AIM2: variants seen among roughly 807,000 people sequenced by gnomAD.
The protein encoded by AIM2 is absent in melanoma 2, also known as interferon-inducible protein AIM2.
A neutral mutation model predicts 27.7 loss-of-function variants in AIM2; 30 were observed. That is an observed-to-expected ratio of 1.08 (90% CI 0.81 to 1.47). The LOEUF (loss-of-function observed/expected upper bound fraction) is 1.47, where lower values mean the gene tolerates loss of function less well. Among genes scored for constraint, AIM2 ranks in the 40% most tolerant of loss-of-function variants. AIM2 has a pLI of 0.00. For missense variants in AIM2, 358 were observed against 411.3 expected (o/e 0.87, Z 1.12); for synonymous variants, 141 against 145.3 (o/e 0.97, Z 0.21).
intron 1 of AIM2, among the ~76,000 whole-genome samples, chr1:159,112,647 AG>A (rs1264902644): frequency 2.0e-5 from 3 of 152,228 alleles, no homozygotes; most frequent in African/African-American, 7.2e-5. Context: ...AAATTTCAAA[AG>A]AATAGTTTTA....
intron 1 of AIM2, among the ~76,000 whole-genome samples, chr1:159,103,933 T>C (rs1023884172): frequency 3.3e-5 from 5 of 151,892 alleles, no homozygotes; most frequent in African/African-American, 1.2e-4. Flanking sequence ...CATTAAGTAA[T>C]GGGGTTTGGC....
intron 1 of AIM2, among the ~76,000 whole-genome samples, chr1:159,113,166 G>T (rs1404081448): frequency 2.0e-5 from 3 of 151,982 alleles, no homozygotes; most frequent in African/African-American, 4.8e-5. Context: ...GGATGGTCTC[G>T]ATCTCTTTAC....
rs2298803 is a variant in AIM2 at position 159,076,640 on chromosome 1, T to C, written c.-28A>G. 0.07 allele frequency: 10,700 copies of C among 152,252 alleles called. 697 individuals carry two copies. The highest frequency in any genetic ancestry group is 0.31 in the East Asian group (1,606 of 5,152). The allele number at this position is 152,252 out of a possible 1,614,324, so 9.4% of individuals were successfully genotyped here. On this transcript the variant is annotated 5_prime_UTR_variant, in exon 1 of 6. Transcript: ENST00000368130. The stretch of plus-strand genomic sequence containing the variant: ...CTCCTCTATGGTGCTTACCTCCTGA[T>C]CCCTGGGGCGATCAGCAAACCGGGT...
intron 1 of AIM2, among the ~76,000 whole-genome samples, chr1:159,128,143 G>A (rs946531793): frequency 1.3e-5 from 2 of 152,084 alleles, no homozygotes; most frequent in African/African-American, 4.8e-5. Context: ...TCAGCACAGT[G>A]CTTAGTATAA....
chr1:159,069,228 C>T (rs187234738), intron 2 of AIM2, among the ~76,000 whole-genome samples: 57 of 151,824 alleles, frequency 3.8e-4, no homozygotes, highest in Non-Finnish European at 4.7e-4. Context: ...TGGTTTGGGA[C>T]GCTATTTATT....
intron 1 of AIM2, among the ~76,000 whole-genome samples, chr1:159,092,957 C>T (rs536946380): frequency 7.9e-4 from 120 of 151,964 alleles, no homozygotes; most frequent in African/African-American, 2.5e-3. Context: ...ACCCAGGAGG[C>T]GGAGGTTGCA....
At chr1:159,094,093 A>G (rs1657115494) in intron 1 of AIM2, among the ~76,000 whole-genome samples, 1 of 152,160 alleles carries the variant, frequency 6.6e-6, no homozygotes, top group Non-Finnish European at 1.5e-5. Context: ...TTGTTATAAA[A>G]CTTAAATGAA....
At chr1:159,059,290 A>G (rs910750731), downstream of AIM2, among the ~76,000 whole-genome samples, 3 of 152,040 alleles carry the variant, frequency 2.0e-5, no homozygotes, top group Non-Finnish European at 4.4e-5. Context: ...ACACATATAT[A>G]TATCTGTGTA....
chr1:159,057,826 T>C (rs1054449262), downstream of AIM2, among the ~76,000 whole-genome samples: 1 of 152,154 alleles, frequency 6.6e-6, no homozygotes, highest in Non-Finnish European at 1.5e-5. Flanking sequence ...GTTTGCAAAA[T>C]AGATTGTAGT....
chr1:159,133,739 T>C (rs1647953909), intron 1 of AIM2, among the ~76,000 whole-genome samples: 1 of 152,248 alleles, frequency 6.6e-6, no homozygotes, highest in Non-Finnish European at 1.5e-5. Flanking sequence ...TTCTGCTTTT[T>C]CTTCTACCTC....
intron 1 of AIM2, among the ~76,000 whole-genome samples, chr1:159,135,228 C>T (rs1443980723): frequency 6.6e-6 from 1 of 152,170 alleles, no homozygotes; most frequent in Non-Finnish European, 1.5e-5. Context: ...TCAGTTTTCC[C>T]TCTATTTAAC....
chr1:159,146,642 C>A (rs1486811640), intron 1 of AIM2, among the ~76,000 whole-genome samples: 1 of 152,002 alleles, frequency 6.6e-6, no homozygotes, highest in African/African-American at 2.4e-5. Context: ...TTCTCATCTG[C>A]CCTAGGATCC....
At chr1:159,078,744 G>T (rs938453695), upstream of AIM2, among the ~76,000 whole-genome samples, 2 of 152,152 alleles carry the variant, frequency 1.3e-5, no homozygotes, top group South Asian at 4.1e-4. Flanking sequence ...TGAAAAAGGA[G>T]GTTTGTTAAC....
At chr1:159,118,562 C>A (rs1176304927) in intron 1 of AIM2, among the ~76,000 whole-genome samples, 2 of 152,134 alleles carry the variant, frequency 1.3e-5, no homozygotes, top group Non-Finnish European at 2.9e-5. Context: ...TTAAAGGGTA[C>A]TTCACCCATT....
chr1:159,122,701 C>A (rs919356572), intron 1 of AIM2, among the ~76,000 whole-genome samples: 2 of 152,288 alleles, frequency 1.3e-5, no homozygotes, highest in Admixed American at 1.3e-4. Context: ...AACAAACCAG[C>A]CTGAGTCAAA....
At chr1:159,104,703 A>G (rs1041002806) in intron 1 of AIM2, among the ~76,000 whole-genome samples, 3 of 152,118 alleles carry the variant, frequency 2.0e-5, no homozygotes, top group Non-Finnish European at 4.4e-5. Context: ...GTCTCTTTTT[A>G]CTTTTTTGAG....
intron 1 of AIM2, among the ~76,000 whole-genome samples, chr1:159,116,178 AAAC>A (rs1570973735): frequency 6.6e-6 from 1 of 151,666 alleles, no homozygotes; most frequent in East Asian, 1.9e-4. Flanking sequence ...AAAATTCAGG[AAAC>A]AACAAGTGCT....
At chr1:159,065,789 T>A in intron 4 of AIM2, 121 bp downstream of exon 4, 1 of 1,107,676 alleles carries the variant, frequency 9.0e-7, no homozygotes. Flanking sequence ...CTTTAGAACT[T>A]TGTATTTTTT....
chr1:159,093,991 C>T (rs1323267226), intron 1 of AIM2, among the ~76,000 whole-genome samples: 1 of 151,722 alleles, frequency 6.6e-6, no homozygotes, highest in African/African-American at 2.4e-5. Context: ...CCACCTGCCT[C>T]GGCCTCCTAA....
Sources: allele counts gnomAD v4.1 joint callset (sites outside exome capture counted in the v4.1 genomes callset), GRCh38; gene constraint gnomAD v4.1.1; transcripts MANE v1.5; gene names NCBI Gene and HGNC (gene_info 2026-07-23, HGNC 2026-07-21).